The following ASAP1 variants were observed in gnomAD, a reference collection of about 807,000 sequenced individuals.
ASAP1 encodes arf-GAP with SH3 domain, ANK repeat and PH domain-containing protein 1.
A neutral mutation model predicts 145.2 loss-of-function variants in ASAP1; 43 were observed. That is an observed-to-expected ratio of 0.30 (90% CI 0.23 to 0.38). ASAP1 has a LOEUF of 0.38. Among genes scored for constraint, ASAP1 ranks in the 10% least tolerant of loss-of-function variants. ASAP1 has a pLI of 1.00. For missense variants in ASAP1, 1,018 were observed against 1,355.3 expected (o/e 0.75, Z 3.91); for synonymous variants, 546 against 515.5 (o/e 1.06, Z -0.80).
At chr8:130,172,234 G>C (rs1441421035) in intron 9 of ASAP1, among the ~76,000 whole-genome samples, 3 of 152,170 alleles carry the variant, frequency 2.0e-5, no homozygotes, top group African/African-American at 7.2e-5. Context: ...TTCCTTTGCA[G>C]AGGGATACAG....
At chr8:130,310,709 T>C (rs1216989910) in intron 3 of ASAP1, among the ~76,000 whole-genome samples, 1 of 152,064 alleles carries the variant, frequency 6.6e-6, no homozygotes, top group Non-Finnish European at 1.5e-5. Flanking sequence ...GTCTGAAAAC[T>C]TTATTGAGCA....
intron 12 of ASAP1, among the ~76,000 whole-genome samples, chr8:130,156,860 A>G (rs2097659147): frequency 6.6e-6 from 1 of 152,228 alleles, no homozygotes; most frequent in African/African-American, 2.4e-5. Context: ...TGAACTATGC[A>G]ACACTTAAGA....
At chr8:130,132,776 T>C (rs1358853095) in intron 15 of ASAP1, among the ~76,000 whole-genome samples, 1 of 152,228 alleles carries the variant, frequency 6.6e-6, no homozygotes. Flanking sequence ...AATGAATAGC[T>C]AATTAGACCT....
intron 4 of ASAP1, among the ~76,000 whole-genome samples, chr8:130,223,917 G>A (rs750782305): frequency 1.3e-5 from 2 of 151,998 alleles, no homozygotes; most frequent in African/African-American, 2.4e-5. Flanking sequence ...TGGGATACAC[G>A]CATTATTACA....
intron 4 of ASAP1, among the ~76,000 whole-genome samples, chr8:130,235,122 A>G (rs1040701958): frequency 2.0e-5 from 3 of 152,190 alleles, no homozygotes; most frequent in African/African-American, 7.2e-5. Context: ...TTGAACAAGT[A>G]TAACAAAGCT....
At chr8:130,397,177 G>C (rs1034449353) in intron 2 of ASAP1, among the ~76,000 whole-genome samples, 6 of 152,136 alleles carry the variant, frequency 3.9e-5, no homozygotes, top group Non-Finnish European at 8.8e-5. Context: ...GTCTAGTTCT[G>C]TTGCCCAGAC....
At chr8:130,417,203 C>G (rs948746394) in intron 1 of ASAP1, among the ~76,000 whole-genome samples, 7 of 151,896 alleles carry the variant, frequency 4.6e-5, no homozygotes, top group Non-Finnish European at 8.8e-5. Context: ...TGCACACACA[C>G]AGAAAACAAC....
At chr8:130,238,223 C>T (rs760905414) in intron 3 of ASAP1, among the ~76,000 whole-genome samples, 26 of 152,086 alleles carry the variant, frequency 1.7e-4, no homozygotes, top group Non-Finnish European at 4.4e-5. Context: ...CGTCATTCCT[C>T]GGATTTCTGG....
chr8:130,221,352 C>CTA (rs1817283876), intron 4 of ASAP1, among the ~76,000 whole-genome samples: 1 of 152,090 alleles, frequency 6.6e-6, no homozygotes, highest in Non-Finnish European at 1.5e-5. Context: ...ATAAATCTCC[C>CTA]TTTGTGAAAG....
intron 3 of ASAP1, among the ~76,000 whole-genome samples, chr8:130,252,835 C>T (rs1358687723): frequency 6.6e-6 from 1 of 152,164 alleles, no homozygotes; most frequent in Non-Finnish European, 1.5e-5. Flanking sequence ...TTCCATGTTA[C>T]AACACAGTGA....
intron 5 of ASAP1, among the ~76,000 whole-genome samples, chr8:130,204,775 C>T (rs557185640): frequency 4.1e-4 from 62 of 152,270 alleles, no homozygotes; most frequent in African/African-American, 1.3e-3. Flanking sequence ...ACATGTCACA[C>T]GAGAAGAAAA....
chr8:130,352,716 T>C (rs1018707092), intron 3 of ASAP1, among the ~76,000 whole-genome samples: 4 of 152,212 alleles, frequency 2.6e-5, no homozygotes, highest in African/African-American at 9.7e-5. Context: ...AATGGAGCCA[T>C]TGATGATAGT....
chr8:130,318,435 C>G (rs949206893), intron 3 of ASAP1, among the ~76,000 whole-genome samples: 2 of 152,182 alleles, frequency 1.3e-5, no homozygotes, highest in Non-Finnish European at 2.9e-5. Flanking sequence ...GACAGAGCTA[C>G]AAGGAGGAGA....
chr8:130,410,932 CT>C (rs1426391457), intron 1 of ASAP1, among the ~76,000 whole-genome samples: 1 of 152,224 alleles, frequency 6.6e-6, no homozygotes, highest in Non-Finnish European at 1.5e-5. Flanking sequence ...GTAATCTCCG[CT>C]CACTGCAACC....
chr8:130,312,294 A>G (rs1823404805), intron 3 of ASAP1, among the ~76,000 whole-genome samples: 1 of 150,808 alleles, frequency 6.6e-6, no homozygotes, highest in African/African-American at 2.4e-5. Context: ...AAAAAAAAAA[A>G]GTACCATGCC....
rs559292504 is a variant in ASAP1, at chr8:130,259,327, A to C, written c.187-22333T>G. On this transcript the variant is annotated intron_variant, in intron 3 of 29. Transcript: ENST00000518721. The stretch of plus-strand genomic sequence containing the variant: ...TTTTAAATCTGTCCCCTTTTATTTT[A>C]GCTAATAACAAGTTATTTCTCACGA... 2.6e-5 allele frequency among the ~76,000 whole-genome samples: 4 copies of C among 152,282 alleles called. No individual in the cohort carries two copies. The South Asian group carries it at 8.3e-4, about 32-fold the overall frequency.
rs1193221560 is a variant in ASAP1 at position 130,358,726 on chromosome 8, C to G, written c.60-583G>C. On this transcript the variant is annotated intron_variant, in intron 2 of 29. Transcript: ENST00000518721. The surrounding 1 kb of genome is among the most constrained non-coding windows in gnomAD (Gnocchi z 4.1). ...CCCCCCGGTCCCTCCCCGCCCGCGC[C>G]CCGCCCCCGGCCCGGCCCCCGCCCC... is the stretch of plus-strand genomic sequence containing the variant. Among the ~76,000 whole-genome samples, 4 of 139,216 alleles carry G rather than the reference C, an allele frequency of 2.9e-5. No homozygotes were observed. Among genetic ancestry groups the G allele is most frequent in the Non-Finnish European group, 6.3e-5 (4 of 63,040 alleles). The allele number at this position is 139,216 out of a possible 152,430, so 91.3% of individuals were successfully genotyped here.
chr8:130,111,635 G>A (rs150288477), intron 24 of ASAP1, among the ~76,000 whole-genome samples: 128 of 152,164 alleles, frequency 8.4e-4, no homozygotes, highest in African/African-American at 1.6e-3. Flanking sequence ...TATTACTAGC[G>A]TCTTCAAAAG....
rs572676843 is a variant in ASAP1 at position 130,150,565 on chromosome 8, G to A, written c.1080+2171C>T. Among the ~76,000 whole-genome samples the A allele has an allele frequency of 2.0e-4, 30 of 152,300 alleles. 1 individual carries two copies. The highest frequency in any genetic ancestry group is 7.2e-4 in the African/African-American group (30 of 41,566). ...CCAGGGGAGAGCTCTGCAGCAGAAG[G>A]CAAAGAGAGTTAGGGTATGCATGGT... On this transcript the variant is annotated intron_variant, in intron 13 of 29. Transcript: ENST00000518721.
Sources: allele counts gnomAD v4.1 joint callset (sites outside exome capture counted in the v4.1 genomes callset), GRCh38; gene constraint gnomAD v4.1.1; non-coding constraint Gnocchi (gnomAD v3.1); transcripts MANE v1.5; gene names NCBI Gene and HGNC (gene_info 2026-07-23, HGNC 2026-07-21).